Variants in GUCY1A2 observed in about 807,000 individuals in gnomAD.
GUCY1A2 encodes guanylate cyclase 1 soluble subunit alpha 2.
GUCY1A2 carries 27 observed loss-of-function variants against 63.5 expected under a neutral mutation model. The ratio of observed to expected loss-of-function variants is 0.43; its 90% confidence interval spans 0.31 to 0.59. GUCY1A2 has a LOEUF of 0.59. Among genes scored for constraint, GUCY1A2 ranks in the 20% least tolerant of loss-of-function variants. GUCY1A2 has a pLI of 0.11. For missense variants in GUCY1A2, 768 were observed against 913.3 expected, an observed-to-expected ratio of 0.84 and a Z score of 2.05; for synonymous variants, 364 against 343.5, an observed-to-expected ratio of 1.06 and a Z score of -0.66.
chr11:106,983,052 G>T (rs1348331916), intron 2 of GUCY1A2, among the ~76,000 whole-genome samples: 2 of 152,154 alleles, frequency 1.3e-5, no homozygotes, highest in African/African-American at 4.8e-5. Context: ...AGGCTGGCAG[G>T]TGATTCTGAT....
intron 5 of GUCY1A2, among the ~76,000 whole-genome samples, chr11:106,799,004 T>C (rs1864819752): frequency 6.6e-6 from 1 of 152,238 alleles, no homozygotes; most frequent in Non-Finnish European, 1.5e-5. Flanking sequence ...GATTGTATAT[T>C]TAGAAAACCC....
At chr11:106,920,374 A>G (rs1237347210) in intron 4 of GUCY1A2, among the ~76,000 whole-genome samples, 1 of 152,176 alleles carries the variant, frequency 6.6e-6, no homozygotes, top group African/African-American at 2.4e-5. Context: ...TTACATATCG[A>G]TTATACTCTT....
chr11:106,826,989 C>G, intron 4 of GUCY1A2: 1 of 1,610,538 alleles, frequency 6.2e-7, no homozygotes, highest in South Asian at 1.1e-5. Flanking sequence ...TTTCATTGGT[C>G]AATTCCACAT....
intron 3 of GUCY1A2, among the ~76,000 whole-genome samples, chr11:106,975,156 C>T (rs1296158159): frequency 1.5e-4 from 23 of 152,078 alleles, no homozygotes. Flanking sequence ...GGAGACTATG[C>T]AATTTATCAT....
intron 1 of GUCY1A2, among the ~76,000 whole-genome samples, chr11:106,998,019 G>A (rs184307494): frequency 6.6e-6 from 1 of 151,978 alleles, no homozygotes; most frequent in East Asian, 1.9e-4. Context: ...ATCTTTAGGT[G>A]TTAAAAAAAA....
chr11:106,757,467 T>C (rs1863994597), intron 6 of GUCY1A2, among the ~76,000 whole-genome samples: 1 of 152,210 alleles, frequency 6.6e-6, no homozygotes, highest in South Asian at 2.1e-4. Flanking sequence ...TTTTCATTGG[T>C]TTCTCCCCGT....
chr11:106,749,473 C>A (rs569601853), intron 6 of GUCY1A2, among the ~76,000 whole-genome samples: 1 of 152,140 alleles, frequency 6.6e-6, no homozygotes, highest in African/African-American at 2.4e-5. Context: ...CTGAGTTCAG[C>A]CATAGCTACT....
intron 6 of GUCY1A2, chr11:106,746,577 T>C (rs1412436271): frequency 6.3e-7 from 1 of 1,595,728 alleles, no homozygotes; most frequent in Non-Finnish European, 8.5e-7. Context: ...TCCGTTTCAC[T>C]TTGATGCTGA....
chr11:106,858,985 C>T (rs532892138), intron 4 of GUCY1A2, among the ~76,000 whole-genome samples: 1 of 152,108 alleles, frequency 6.6e-6, no homozygotes, highest in South Asian at 2.1e-4. Context: ...ATGCCTTGAT[C>T]ACATATAAGA....
At chr11:106,738,415 T>G (rs1303338405) in intron 6 of GUCY1A2, among the ~76,000 whole-genome samples, 1 of 152,250 alleles carries the variant, frequency 6.6e-6, no homozygotes, top group African/African-American at 2.4e-5. Flanking sequence ...ATTTGTCAAT[T>G]TTGGCTTTTG....
At chr11:106,700,439 A>G (rs1862799507) in intron 7 of GUCY1A2, among the ~76,000 whole-genome samples, 1 of 152,202 alleles carries the variant, frequency 6.6e-6, no homozygotes. Context: ...AGAGACAAAG[A>G]AAGAGATAGT....
At chr11:106,714,242 G>A (rs767597559) in intron 6 of GUCY1A2, among the ~76,000 whole-genome samples, 1 of 151,842 alleles carries the variant, frequency 6.6e-6, no homozygotes, top group Non-Finnish European at 1.5e-5. Flanking sequence ...AAAAAGTCTT[G>A]TCTCTTAGAA....
chr11:106,716,890 G>A (rs1056744122), intron 6 of GUCY1A2, among the ~76,000 whole-genome samples: 1 of 151,730 alleles, frequency 6.6e-6, no homozygotes, highest in Non-Finnish European at 1.5e-5. Context: ...ACGGTACAGC[G>A]TTCTAGTGAA....
chr11:106,869,682 G>A (rs930291011), intron 4 of GUCY1A2, among the ~76,000 whole-genome samples: 3 of 152,172 alleles, frequency 2.0e-5, no homozygotes, highest in Non-Finnish European at 4.4e-5. Context: ...TTCAACCATT[G>A]TGGAAGACAG....
intron 5 of GUCY1A2, among the ~76,000 whole-genome samples, chr11:106,801,839 A>G (rs960711790): frequency 3.3e-5 from 5 of 152,178 alleles, no homozygotes; most frequent in African/African-American, 7.2e-5. Flanking sequence ...CCATAAATAC[A>G]TACTCCTACT....
At chr11:106,791,492 TGTGC>T (rs1172620255) in intron 5 of GUCY1A2, among the ~76,000 whole-genome samples, 1 of 152,074 alleles carries the variant, frequency 6.6e-6, no homozygotes, top group Non-Finnish European at 1.5e-5. Flanking sequence ...TGTGTGTGTG[TGTGC>T]ATGTGCACAC....
intron 1 of GUCY1A2, among the ~76,000 whole-genome samples, chr11:107,007,137 G>C (rs978442691): frequency 2.0e-5 from 3 of 152,104 alleles, no homozygotes; most frequent in Non-Finnish European, 1.5e-5. Context: ...AAAAATGCAT[G>C]AATGATGTAG....
chr11:106,836,780 T>C (rs940237376), intron 4 of GUCY1A2, among the ~76,000 whole-genome samples: 4 of 151,948 alleles, frequency 2.6e-5, no homozygotes, highest in Admixed American at 2.0e-4. Flanking sequence ...GGTTATGAAA[T>C]TATTGCAATA....
At chr11:106,702,910 G>T (rs1344628450) in intron 7 of GUCY1A2, among the ~76,000 whole-genome samples, 1 of 152,088 alleles carries the variant, frequency 6.6e-6, no homozygotes, top group Non-Finnish European at 1.5e-5. Context: ...TGATTGAATT[G>T]AAGGATGCAA....
Sources: gnomAD v4.1 joint callset for allele counts (sites outside exome capture counted in the v4.1 genomes callset) on GRCh38, gnomAD v4.1.1 for gene constraint, MANE v1.5 for transcripts, NCBI Gene and HGNC (gene_info 2026-07-23, HGNC 2026-07-21) for gene names.